The following CDH13 variants were observed in gnomAD, a reference collection of about 807,000 sequenced individuals.
CDH13 encodes the protein cadherin 13.
CDH13 carries 24 observed loss-of-function variants against 63.8 expected under a neutral mutation model. That is an observed-to-expected ratio of 0.38 (90% CI 0.27 to 0.53). CDH13 has a LOEUF of 0.53. Ranked by LOEUF, CDH13 falls within the 20% of genes least tolerant of loss-of-function variation. The probability of loss-of-function intolerance (pLI) is 0.85; values close to 1 mark genes in which losing one functional copy is unlikely to be tolerated. For missense variants in CDH13, 1,049 were observed against 903.1 expected, an observed-to-expected ratio of 1.16 and a Z score of -2.07; for synonymous variants, 503 against 355.3, an observed-to-expected ratio of 1.42 and a Z score of -4.67.
intron 2 of CDH13, among the ~76,000 whole-genome samples, chr16:83,008,853 T>A (rs919860357): frequency 1.3e-5 from 2 of 152,300 alleles, no homozygotes; most frequent in South Asian, 4.1e-4. Context: ...AGAAAGAGGT[T>A]TCATTGACTC....
chr16:82,913,155 T>G (rs1398473857), intron 2 of CDH13, among the ~76,000 whole-genome samples: 1 of 152,146 alleles, frequency 6.6e-6, no homozygotes, highest in African/African-American at 2.4e-5. Flanking sequence ...GAAATGGAAC[T>G]CAGATTTTAA....
intron 8 of CDH13, among the ~76,000 whole-genome samples, chr16:83,651,176 T>TAAC (rs1912339061): frequency 6.6e-6 from 1 of 152,128 alleles, no homozygotes; most frequent in South Asian, 2.1e-4. Context: ...GTAGTTTAGA[T>TAAC]AACAAGGGGA....
At chr16:83,298,853 C>G (rs1051792742) in intron 5 of CDH13, among the ~76,000 whole-genome samples, 3 of 152,148 alleles carry the variant, frequency 2.0e-5, no homozygotes, top group African/African-American at 4.8e-5. Flanking sequence ...AATGTGATGT[C>G]TTTTCCAATA....
At chr16:83,022,530 C>A (rs1282195837) in intron 2 of CDH13, among the ~76,000 whole-genome samples, 1 of 152,126 alleles carries the variant, frequency 6.6e-6, no homozygotes, top group Non-Finnish European at 1.5e-5. Context: ...CAGAAATCGG[C>A]AGATGCTACA....
In CDH13 at chr16:82,926,297, GA is replaced by G. The variant is rs1173408129; in HGVS notation, c.157+67833del. ...AAACGTTATTTCCAAAAAAAAAAAA[GA>G]AAAAAAAAGGCCAGAAGACCATTGT... On this transcript the variant is annotated intron_variant, in intron 2 of 13. Transcript: ENST00000567109. Among the ~76,000 whole-genome samples, 62 of 145,656 alleles carry G rather than the reference GA, an allele frequency of 4.3e-4. No individual in the cohort carries two copies. The South Asian group carries it at 0.01, about 24-fold the overall frequency.
chr16:82,986,795 A>C (rs932838430), intron 2 of CDH13, among the ~76,000 whole-genome samples: 1 of 152,202 alleles, frequency 6.6e-6, no homozygotes, highest in African/African-American at 2.4e-5. Flanking sequence ...AAATACCGCA[A>C]ATGGGTGAAG....
chr16:83,497,105 T>A (rs1009118842), intron 7 of CDH13, among the ~76,000 whole-genome samples: 35 of 152,236 alleles, frequency 2.3e-4, no homozygotes, highest in African/African-American at 7.7e-4. Context: ...CAGTGTGGCG[T>A]TTCCTCAGGG....
intron 7 of CDH13, among the ~76,000 whole-genome samples, chr16:83,579,106 A>G (rs1401056675): frequency 1.3e-5 from 2 of 152,210 alleles, no homozygotes; most frequent in East Asian, 3.9e-4. Context: ...GAAAGTTGTC[A>G]TTTGTCCAGG....
intron 11 of CDH13, among the ~76,000 whole-genome samples, chr16:83,775,677 C>G (rs747909041): frequency 5.9e-5 from 9 of 151,624 alleles, no homozygotes; most frequent in Non-Finnish European, 1.0e-4. Context: ...TCGTGCCACA[C>G]TGCACTGCAG....
At chr16:83,449,437 C>T (rs1007932030) in intron 6 of CDH13, among the ~76,000 whole-genome samples, 6 of 152,198 alleles carry the variant, frequency 3.9e-5, no homozygotes, top group African/African-American at 1.4e-4. Flanking sequence ...TTCAGGGCCC[C>T]AGATCCTGTT....
chr16:83,555,776 A>G (rs532418548), intron 7 of CDH13, among the ~76,000 whole-genome samples: 5 of 152,246 alleles, frequency 3.3e-5, no homozygotes, highest in Non-Finnish European at 5.9e-5. Context: ...AATGTTGGAT[A>G]GTCTGTCTGC....
At chr16:83,261,214 G>C (rs1237075412) in intron 5 of CDH13, among the ~76,000 whole-genome samples, 4 of 152,160 alleles carry the variant, frequency 2.6e-5, no homozygotes, top group African/African-American at 9.7e-5. Flanking sequence ...TACAGCCACA[G>C]CACATGGGTT....
intron 4 of CDH13, among the ~76,000 whole-genome samples, chr16:83,209,046 G>T (rs1213380243): frequency 6.6e-6 from 1 of 152,098 alleles, no homozygotes; most frequent in East Asian, 1.9e-4. Context: ...CTCCAGTGGG[G>T]GTGGCAGCAG....
At chr16:83,064,168 A>C (rs548833810) in intron 3 of CDH13, among the ~76,000 whole-genome samples, 1 of 152,320 alleles carries the variant, frequency 6.6e-6, no homozygotes, top group East Asian at 1.9e-4. Context: ...CAGGAGCTCA[A>C]GAACAGTCTG....
At chr16:82,860,924 C>G (rs1337880805) in intron 2 of CDH13, among the ~76,000 whole-genome samples, 1 of 152,108 alleles carries the variant, frequency 6.6e-6, no homozygotes, top group Non-Finnish European at 1.5e-5. Context: ...TCACTCTCCC[C>G]TCTCTCTCAT....
chr16:82,949,460 A>T (rs1424963702), intron 2 of CDH13, among the ~76,000 whole-genome samples: 1 of 152,192 alleles, frequency 6.6e-6, no homozygotes, highest in African/African-American at 2.4e-5. Flanking sequence ...ACTTTTGCAG[A>T]TTCCAGGGGT....
intron 10 of CDH13, among the ~76,000 whole-genome samples, chr16:83,698,327 T>C (rs1478527468): frequency 6.6e-6 from 1 of 152,238 alleles, no homozygotes; most frequent in Non-Finnish European, 1.5e-5. Context: ...TATTATTTGA[T>C]GCACTTCCTT....
intron 2 of CDH13, among the ~76,000 whole-genome samples, chr16:83,018,244 C>G (rs1915000469): frequency 6.6e-6 from 1 of 152,100 alleles, no homozygotes; most frequent in East Asian, 1.9e-4. Flanking sequence ...GAACACTGAC[C>G]CTTCAACATG....
chr16:83,166,968 G>T (rs868067114), intron 4 of CDH13, among the ~76,000 whole-genome samples: 19 of 151,996 alleles, frequency 1.3e-4, no homozygotes, highest in African/African-American at 4.1e-4. Flanking sequence ...AGAAGCAGTT[G>T]GATTTTATAT....
Sources: allele counts gnomAD v4.1 joint callset (sites outside exome capture counted in the v4.1 genomes callset), GRCh38; gene constraint gnomAD v4.1.1; transcripts MANE v1.5; gene names NCBI Gene and HGNC (gene_info 2026-07-23, HGNC 2026-07-21).